Variants in FOXP1 observed in about 807,000 individuals in gnomAD.
The protein encoded by FOXP1 is forkhead box protein P1.
A neutral mutation model predicts 98.2 loss-of-function variants in FOXP1; 15 were observed. The observed-to-expected ratio is 0.15, with a 90% CI of 0.10 to 0.24. The LOEUF (loss-of-function observed/expected upper bound fraction) is 0.24. Among genes scored for constraint, FOXP1 ranks in the 10% least tolerant of loss-of-function variants. The pLI, the probability that FOXP1 is intolerant of heterozygous loss-of-function variation, is 1.00. For synonymous variants in FOXP1, 371 were observed against 314.5 expected (o/e 1.18, Z -1.90); for missense variants, 633 against 848.5 (o/e 0.75, Z 3.15).
intron 4 of FOXP1, among the ~76,000 whole-genome samples, chr3:71,306,586 C>T (rs890547268): frequency 1.7e-5 from 2 of 118,282 alleles, no homozygotes; most frequent in Non-Finnish European, 3.2e-5. Flanking sequence ...TGCATATATA[C>T]TCACACATAA....
intron 2 of FOXP1, chr3:71,580,772 C>A (rs2048101774): frequency 2.0e-6 from 2 of 984,802 alleles, no homozygotes; most frequent in Admixed American, 1.2e-4. Context: ...GAGGTCTTCT[C>A]AACTCAGCTA....
chr3:71,277,034 C>G (rs908933091), intron 5 of FOXP1, among the ~76,000 whole-genome samples: 2 of 150,574 alleles, frequency 1.3e-5, no homozygotes, highest in East Asian at 3.9e-4. Flanking sequence ...TCTCGGCTCA[C>G]TGCAAGCTTC....
intron 3 of FOXP1, among the ~76,000 whole-genome samples, chr3:71,373,626 T>G (rs1027585955): frequency 1.3e-5 from 2 of 152,238 alleles, no homozygotes; most frequent in Non-Finnish European, 2.9e-5. Context: ...AGTCCTGGTT[T>G]GGACATTAAT....
At chr3:71,126,890 C>CAA (rs66876896) in intron 6 of FOXP1, among the ~76,000 whole-genome samples, 1 of 132,242 alleles carries the variant, frequency 7.6e-6, no homozygotes, top group Non-Finnish European at 1.6e-5. Flanking sequence ...AAAACAAAAA[C>CAA]AAAAAAAAAA....
chr3:71,165,247 T>TAAAA (rs34841115), intron 6 of FOXP1, among the ~76,000 whole-genome samples: 1 of 136,534 alleles, frequency 7.3e-6, no homozygotes, highest in Non-Finnish European at 1.5e-5. Context: ...TATTTTTTTG[T>TAAAA]AAAAAAAAAA....
rs2042925997 is a variant in FOXP1 at position 71,520,814 on chromosome 3, G to A, written c.-297-27259C>T. ...TTATTTTTTTCTCCAAAGTAACTCAGGTAAGTCACAAAGTATAATCAGCAA... is the reference window on the plus strand; with the variant it reads ...TTATTTTTTTCTCCAAAGTAACTCAAGTAAGTCACAAAGTATAATCAGCAA... On this transcript the variant is annotated intron_variant, in intron 2 of 20. Transcript: ENST00000649528. Among the ~76,000 whole-genome samples, 3 of 152,232 alleles carry A rather than the reference G, an allele frequency of 2.0e-5. No homozygotes were observed. The South Asian group carries it at 6.2e-4, about 32-fold the overall frequency.
rs539988801 is a variant in FOXP1, at chr3:70,977,586, T to C, written c.1428+57A>G. ...TTTTTAAATCTACTTCATCAATATA[T>C]ATCCATGTACACATATACCTTCTGA... On this transcript the variant is annotated intron_variant, in intron 16 of 20. Transcript: ENST00000649528. The C allele has an allele frequency of 2.5e-5, 34 of 1,358,980 alleles. No homozygotes were observed. In the South Asian group the frequency reaches 3.6e-4, roughly 14 times the overall value. 84.2% of individuals were successfully genotyped at this position (1,358,980 alleles called of 1,614,324 possible).
At chr3:71,326,288 G>T (rs1271888641) in intron 4 of FOXP1, among the ~76,000 whole-genome samples, 1 of 152,184 alleles carries the variant, frequency 6.6e-6, no homozygotes, top group African/African-American at 2.4e-5. Flanking sequence ...AAAACAGTCT[G>T]CATTTGGAAG....
intron 6 of FOXP1, chr3:71,130,656 C>T: frequency 6.3e-7 from 1 of 1,596,018 alleles, no homozygotes; most frequent in Non-Finnish European, 8.5e-7. Flanking sequence ...GGCTGAAGCA[C>T]ACTCGAAGAG....
chr3:71,182,034 C>G (rs1356908431), intron 6 of FOXP1, among the ~76,000 whole-genome samples: 2 of 105,824 alleles, frequency 1.9e-5, no homozygotes, highest in Non-Finnish European at 4.0e-5. Flanking sequence ...GACTCCATCT[C>G]AAAAAAAAGA....
chr3:71,554,298 A>G (rs1210748817), intron 2 of FOXP1, among the ~76,000 whole-genome samples: 3 of 152,170 alleles, frequency 2.0e-5, no homozygotes, highest in Admixed American at 1.3e-4. Context: ...GGCTGCAGTG[A>G]GCTATGATCA....
intron 3 of FOXP1, among the ~76,000 whole-genome samples, chr3:71,440,898 C>T (rs1004448086): frequency 6.6e-6 from 1 of 151,964 alleles, no homozygotes; most frequent in African/African-American, 2.4e-5. Context: ...GAATAAGGAA[C>T]AAAAAATTGG....
At chr3:71,206,769 C>T (rs2064068680) in intron 5 of FOXP1, among the ~76,000 whole-genome samples, 1 of 152,108 alleles carries the variant, frequency 6.6e-6, no homozygotes, top group African/African-American at 2.4e-5. Context: ...AAGTTGACCC[C>T]GCTCCAAAAA....
chr3:71,356,933 G>C (rs1335081737), intron 4 of FOXP1, among the ~76,000 whole-genome samples: 1 of 152,168 alleles, frequency 6.6e-6, no homozygotes, highest in Non-Finnish European at 1.5e-5. Flanking sequence ...TGGCTCACAA[G>C]AATCATGTAC....
At chr3:70,983,598 C>T (rs1434619625) in intron 14 of FOXP1, among the ~76,000 whole-genome samples, 1 of 152,134 alleles carries the variant, frequency 6.6e-6, no homozygotes, top group Non-Finnish European at 1.5e-5. Flanking sequence ...ATAAGATTTT[C>T]GTCAAGAAGA....
At chr3:71,324,920 TGCCCCAGCTAAGGG>T (rs1379516800) in intron 4 of FOXP1, among the ~76,000 whole-genome samples, 2 of 152,176 alleles carry the variant, frequency 1.3e-5, no homozygotes, top group African/African-American at 2.4e-5. Flanking sequence ...CCCTAGGCCA[TGCCCCAGCTAAGGG>T]GGCACCCCAG....
chr3:70,965,922 G>T lies in FOXP1; in HGVS notation c.1857C>A (p.Asp619Glu). The T allele has an allele frequency of 6.2e-7, 1 of 1,614,116 alleles. No homozygotes were observed. The change falls in exon 20 of 21, where the codon GAC becomes GAA. Residue 619 changes from aspartate to glutamate, a missense_variant. Around this residue, in one of 6 missense-constraint regions of FOXP1, gnomAD observed 150 missense variants for 163.7 expected, o/e 0.92. Coordinates refer to ENST00000649528, the MANE Select transcript of FOXP1 (RefSeq NM_001349338.3). Reference protein sequence around the residue: ...AMEHTNSNESDSSPGRSPMQA... With the variant: ...AMEHTNSNESESSPGRSPMQA... ...GCATAGGAGATCTGCCTGGACTGCTGTCACTCTCGTTGCTGTTGGTATGCT... is the reference window on the plus strand; with the variant it reads ...GCATAGGAGATCTGCCTGGACTGCTTTCACTCTCGTTGCTGTTGGTATGCT...
chr3:71,455,680 G>A (rs981572739), intron 3 of FOXP1, among the ~76,000 whole-genome samples: 12 of 152,124 alleles, frequency 7.9e-5, no homozygotes, highest in Non-Finnish European at 1.8e-4. Context: ...CAATTTGGGA[G>A]AAGAAGCCCA....
chr3:70,954,719 G>A lies in FOXP1; in HGVS notation c.*4528C>T, dbSNP rs2031363724. On this transcript the variant is annotated 3_prime_UTR_variant, in exon 21 of 21. Coordinates refer to ENST00000649528, the MANE Select transcript of FOXP1 (RefSeq NM_001349338.3). ...TAGGCTGTGGCAACTTTTACTACCA[G>A]CGTGAACAACCAGCATTTTTATTGC... 4.5e-6 allele frequency: 1 copy of A among 224,032 alleles called. No individual in the cohort carries two copies. The highest frequency in any genetic ancestry group is 6.5e-5 in the East Asian group (1 of 15,490). The allele number at this position is 224,032 out of a possible 1,614,324, so 13.9% of individuals were successfully genotyped here.
Sources: gnomAD v4.1 joint callset for allele counts (sites outside exome capture counted in the v4.1 genomes callset) on GRCh38, gnomAD v4.1.1 for gene constraint, gnomAD v4.1.1 regional missense constraint, MANE v1.5 for transcripts, NCBI Gene and HGNC (gene_info 2026-07-23, HGNC 2026-07-21) for gene names.